The following TMPO variants were observed in gnomAD, a reference collection of about 807,000 sequenced individuals.
TMPO encodes the protein LEM domain containing 4.
A neutral mutation model predicts 45.4 loss-of-function variants in TMPO; 22 were observed. The observed-to-expected ratio is 0.48, with a 90% CI of 0.35 to 0.69. TMPO has a LOEUF of 0.69. TMPO is among the 30% of genes least tolerant of loss of function. The probability of loss-of-function intolerance (pLI) is 0.01; values close to 1 mark genes in which losing one functional copy is unlikely to be tolerated. For missense variants in TMPO, 512 were observed against 548.8 expected (o/e 0.93, Z 0.67); for synonymous variants, 241 against 204.1 (o/e 1.18, Z -1.54).
chr12:98,531,450 G>C (rs939443004), intron 2 of TMPO, among the ~76,000 whole-genome samples: 1 of 151,426 alleles, frequency 6.6e-6, no homozygotes, highest in Non-Finnish European at 1.5e-5. Context: ...GGCCAGGCTG[G>C]TCTCGAACTC....
chr12:98,542,906 CTG>C (rs1267981706), intron 4 of TMPO, among the ~76,000 whole-genome samples: 1 of 152,132 alleles, frequency 6.6e-6, no homozygotes, highest in Non-Finnish European at 1.5e-5. Context: ...CTGTGTATGT[CTG>C]TAATTTGTTT....
chr12:98,545,196 T>C (rs1362529629), intron 7 of TMPO, 135 bp downstream of exon 7: 2 of 661,638 alleles, frequency 3.0e-6, no homozygotes, highest in African/African-American at 3.7e-5. Context: ...TGTGTAAATA[T>C]GCATAAATTA....
intron 1 of TMPO, among the ~76,000 whole-genome samples, chr12:98,519,940 T>G (rs1720215305): frequency 6.6e-6 from 1 of 152,134 alleles, no homozygotes; most frequent in South Asian, 2.1e-4. Context: ...TCATATTTCT[T>G]TTTTTTTCTT....
intron 1 of TMPO, among the ~76,000 whole-genome samples, chr12:98,518,970 C>T (rs1200921638): frequency 2.6e-5 from 4 of 151,984 alleles, no homozygotes; most frequent in Non-Finnish European, 4.4e-5. Context: ...CAAGCTCTGC[C>T]TCGTGGGTTC....
intron 4 of TMPO, among the ~76,000 whole-genome samples, chr12:98,539,764 G>A (rs555362571): frequency 4.0e-4 from 61 of 152,226 alleles, no homozygotes; most frequent in South Asian, 1.0e-3. Context: ...ATGAGCTACC[G>A]CACCTGGCAA....
intron 1 of TMPO, chr12:98,516,504 CCAAAATGCT>C: frequency 9.2e-7 from 1 of 1,081,900 alleles, no homozygotes; most frequent in South Asian, 4.5e-5. Flanking sequence ...AGGGGTGGCC[CCAAAATGCT>C]ATAGGTTAAG....
chr12:98,516,592 C>T, intron 1 of TMPO: 1 of 961,282 alleles, frequency 1.0e-6, no homozygotes, highest in South Asian at 4.8e-5. Context: ...CCCTGGAGGG[C>T]AACTGATGAC....
At chr12:98,538,345 A>G (rs1196762953) in intron 4 of TMPO, among the ~76,000 whole-genome samples, 1 of 151,840 alleles carries the variant, frequency 6.6e-6, no homozygotes, top group Non-Finnish European at 1.5e-5. Flanking sequence ...TCCATCTCCT[A>G]TTTGTCACTT....
intron 1 of TMPO, 55 bp from the exon 2 acceptor site, chr12:98,527,826 ATTATC>A: frequency 6.3e-7 from 1 of 1,595,310 alleles, no homozygotes; most frequent in Non-Finnish European, 8.6e-7. Flanking sequence ...TATACAGGTT[ATTATC>A]TAGTAAGTGA....
intron 1 of TMPO, among the ~76,000 whole-genome samples, chr12:98,520,837 T>G (rs7135937): frequency 0.56 from 85,529 of 151,554 alleles, 24,420 homozygotes; most frequent in African/African-American, 0.63. Context: ...CTCCCAGAGT[T>G]CTGGAATTAC....
At chr12:98,532,149 T>C (rs1877237769) in intron 3 of TMPO, 1 of 271,298 alleles carries the variant, frequency 3.7e-6, no homozygotes, top group African/African-American at 2.2e-5. Flanking sequence ...TACCTGTACC[T>C]ATCACCTCCA....
intron 1 of TMPO, among the ~76,000 whole-genome samples, chr12:98,526,790 T>G (rs543361779): frequency 6.6e-6 from 1 of 152,202 alleles, no homozygotes; most frequent in African/African-American, 2.4e-5. Flanking sequence ...AAACCCCGTC[T>G]CTACTAAAAG....
chr12:98,536,482 T>C (rs1877574245), intron 3 of TMPO, among the ~76,000 whole-genome samples: 1 of 152,040 alleles, frequency 6.6e-6, no homozygotes. Context: ...GCCTCCTGAG[T>C]AGCTGGGATT....
rs548972571 is a variant in TMPO at position 98,533,436 on chromosome 12, G to T, written c.565+1598G>T. The T allele has an allele frequency of 1.8e-5, 29 of 1,614,166 alleles. 1 individual carries two copies. The East Asian group carries it at 6.5e-4, about 36-fold the overall frequency. Reference sequence around the variant, plus strand: ...TGGTCCAGGGTGGGGTAGGTAGTTTGCCTGGAACTTCTAACTCTATGCCCC... The same window carrying T: ...TGGTCCAGGGTGGGGTAGGTAGTTTTCCTGGAACTTCTAACTCTATGCCCC... On this transcript the variant is annotated intron_variant, in intron 3 of 8. Transcript: ENST00000556029.
chr12:98,529,125 C>A (rs575820125), intron 2 of TMPO, among the ~76,000 whole-genome samples: 13 of 149,908 alleles, frequency 8.7e-5, no homozygotes, highest in African/African-American at 3.2e-4. Context: ...GTGATCTTGG[C>A]TCACTGCAAC....
intron 1 of TMPO, 157 bp downstream of exon 1, chr12:98,516,303 T>C (rs998975372): frequency 1.1e-5 from 13 of 1,234,252 alleles, no homozygotes; most frequent in Non-Finnish European, 1.3e-5. Context: ...CCCGCGGGGC[T>C]GCAGGCGCCG....
chr12:98,516,414 T>C (rs1382500154), intron 1 of TMPO: 1 of 1,179,092 alleles, frequency 8.5e-7, no homozygotes, highest in Admixed American at 4.6e-5. Context: ...TTGCACGCAG[T>C]CGACGCCGCT....
rs1475917147 is a variant in TMPO at position 98,547,956 on chromosome 12, G to A, written c.*98G>A. On this transcript the variant is annotated 3_prime_UTR_variant, in exon 9 of 9. Coordinates refer to ENST00000556029, the MANE Select transcript of TMPO (RefSeq NM_001032283.3). ...GTTGACTCCAAGAACTAAAAATAAT[G>A]TGATTTCGCCTCAATAAATGTAGTA... 1.5e-6 allele frequency: 2 copies of A among 1,355,198 alleles called. No homozygotes were observed. The highest frequency in any genetic ancestry group is 1.0e-6 in the Non-Finnish European group (1 of 969,308). The allele number at this position is 1,355,198 out of a possible 1,614,324, so 83.9% of individuals were successfully genotyped here.
chr12:98,520,117 G>A (rs999245246), intron 1 of TMPO, among the ~76,000 whole-genome samples: 7 of 150,076 alleles, frequency 4.7e-5, no homozygotes, highest in Admixed American at 1.3e-4. Flanking sequence ...CCACCACTGC[G>A]CCCGGCTAAT....
Sources: allele counts gnomAD v4.1 joint callset (sites outside exome capture counted in the v4.1 genomes callset), GRCh38; gene constraint gnomAD v4.1.1; transcripts MANE v1.5; gene names NCBI Gene and HGNC (gene_info 2026-07-23, HGNC 2026-07-21).